RYR1: variants seen among roughly 807,000 people sequenced by gnomAD.
RYR1 encodes ryanodine receptor 1.
A neutral mutation model predicts 583.5 loss-of-function variants in RYR1; 342 were observed. The ratio of observed to expected loss-of-function variants is 0.59; its 90% confidence interval spans 0.54 to 0.64. The LOEUF is 0.64. Among genes scored for constraint, RYR1 ranks in the 30% least tolerant of loss-of-function variants. The pLI is 0.00. For synonymous variants in RYR1, 2,791 were observed against 2,822.5 expected (o/e 0.99, Z 0.35); for missense variants, 6,032 against 6,917.2 (o/e 0.87, Z 4.54).
rs772951872 is a variant in RYR1 at position 38,515,127 on chromosome 19, G to A, written c.9554+20G>A. On this transcript the variant is annotated intron_variant, in intron 64 of 105. Coordinates refer to ENST00000359596, the MANE Select transcript of RYR1 (RefSeq NM_000540.3). ...GGAAAAGTAAGGAGAGGGAGCCATC[G>A]TTTGGGGCTGGGTGGGGCTGGAGGG... The A allele has an allele frequency of 8.4e-7, 1 of 1,196,130 alleles. No individual in the cohort carries two copies. The highest frequency in any genetic ancestry group is 1.2e-6 in the Non-Finnish European group (1 of 840,510). 74.1% of individuals were successfully genotyped at this position (1,196,130 alleles called of 1,614,324 possible).
At chr19:38,574,752 G>A (rs1014004840) in intron 96 of RYR1, among the ~76,000 whole-genome samples, 3 of 152,072 alleles carry the variant, frequency 2.0e-5, no homozygotes, top group Middle Eastern at 3.4e-3. Context: ...AACAAAACTC[G>A]TGGCTGGGCA....
chr19:38,575,813 G>A lies in RYR1; in HGVS notation c.14130-106G>A, dbSNP rs1973931375. On this transcript the variant is annotated intron_variant, in intron 96 of 105. Coordinates refer to ENST00000359596, the MANE Select transcript of RYR1 (RefSeq NM_000540.3). The stretch of plus-strand genomic sequence containing the variant: ...GTGAGACTCCATCTCAAAAAAAAAG[G>A]AAAAAGAAAAACAGTGGAGTTTCAG... The A allele has an allele frequency of 9.5e-6, 12 of 1,257,186 alleles. No individual in the cohort carries two copies. In the South Asian group the frequency reaches 1.3e-4, roughly 14 times the overall value. The allele number at this position is 1,257,186 out of a possible 1,614,324, so 77.9% of individuals were successfully genotyped here.
chr19:38,518,401 T>TA (rs10714494), intron 66 of RYR1, among the ~76,000 whole-genome samples: 3,939 of 113,648 alleles, frequency 0.035, 71 homozygotes, highest in Middle Eastern at 0.11. Context: ...CTCTATTATT[T>TA]AAAAAAAAAA....
At chr19:38,493,589 G>C (rs1969659743) in intron 38 of RYR1, among the ~76,000 whole-genome samples, 1 of 147,382 alleles carries the variant, frequency 6.8e-6, no homozygotes, top group African/African-American at 2.5e-5. Context: ...GCGCGATCTT[G>C]GCTCACTGCA....
chr19:38,464,781 T>C (rs1428887447), intron 23 of RYR1, 59 bp downstream of exon 23: 1 of 1,488,664 alleles, frequency 6.7e-7, no homozygotes, highest in Non-Finnish European at 9.2e-7. Flanking sequence ...GATGCTGTGC[T>C]AAGGGCTGGG....
rs545315268 is a variant in RYR1, at chr19:38,481,382, C to T, written c.4621-1645C>T. Among the ~76,000 whole-genome samples, 4 of 152,262 alleles carry T rather than the reference C, an allele frequency of 2.6e-5. No individual in the cohort carries two copies. The East Asian group carries it at 7.7e-4, about 29-fold the overall frequency. Reference sequence around the variant, plus strand: ...CCTCAAACTATTCGCCCACCTCCACCTCCCATGTAATCCCAGAATATAAAA... The same window carrying T: ...CCTCAAACTATTCGCCCACCTCCACTTCCCATGTAATCCCAGAATATAAAA... On this transcript the variant is annotated intron_variant, in intron 31 of 105. Coordinates refer to ENST00000359596, the MANE Select transcript of RYR1 (RefSeq NM_000540.3).
At position 38,512,581 on chromosome 19, in the gene RYR1, G is replaced by C; in HGVS notation, c.9472+98G>C. 8.5e-7 allele frequency: 1 copy of C among 1,181,138 alleles called. No individual in the cohort carries two copies. The highest frequency in any genetic ancestry group is 1.2e-6 in the Non-Finnish European group (1 of 802,262). 73.2% of individuals were successfully genotyped at this position (1,181,138 alleles called of 1,614,324 possible). ...AGAGTCCCTGGGTGTTTGAATGTGT[G>C]GATTTCTTGCTGTAAGCAAAGCATG... On this transcript the variant is annotated intron_variant, in intron 63 of 105. Transcript: ENST00000359596. This position sits in a 1 kb window ranked among gnomAD's most constrained non-coding sequence, Gnocchi z 5.1.
At chr19:38,553,593 G>A (rs1972758529) in intron 89 of RYR1, among the ~76,000 whole-genome samples, 1 of 152,066 alleles carries the variant, frequency 6.6e-6, no homozygotes, top group Non-Finnish European at 1.5e-5. Context: ...GGTCAAGGCT[G>A]CAGTGAACCA....
intron 11 of RYR1, among the ~76,000 whole-genome samples, chr19:38,450,806 A>G (rs949897250): frequency 6.6e-6 from 1 of 152,144 alleles, no homozygotes. Flanking sequence ...TAAAGGGAAG[A>G]TGGAGCCTCC....
intron 29 of RYR1, 76 bp from the exon 30 acceptor site, chr19:38,477,634 A>T: frequency 6.2e-7 from 1 of 1,601,804 alleles, no homozygotes; most frequent in African/African-American, 1.3e-5. Context: ...AGTCCAGGGA[A>T]ACCAATTTCG....
chr19:38,463,287 G>A, intron 20 of RYR1, 136 bp from the exon 21 acceptor site: 1 of 719,338 alleles, frequency 1.4e-6, no homozygotes, highest in Non-Finnish European at 2.5e-6. Context: ...GAGGGATGGG[G>A]AGCAGGGCTG....
intron 70 of RYR1, among the ~76,000 whole-genome samples, chr19:38,524,191 A>G (rs535488678): frequency 6.8e-6 from 1 of 147,500 alleles, no homozygotes; most frequent in African/African-American, 2.5e-5. Context: ...GTTCCCAAAA[A>G]AAAAAAAAAA....
In RYR1 at chr19:38,549,278, G is replaced by A. The variant is rs1972560553; in HGVS notation, c.12282+858G>A. Among the ~76,000 whole-genome samples, 3 of 152,010 alleles carry A rather than the reference G, an allele frequency of 2.0e-5. No individual in the cohort carries two copies. In the South Asian group the frequency reaches 6.2e-4, roughly 32 times the overall value. On this transcript the variant is annotated intron_variant, in intron 89 of 105. Coordinates refer to ENST00000359596, the MANE Select transcript of RYR1 (RefSeq NM_000540.3). Reference sequence around the variant, plus strand: ...CTCAGTTTCCTACTCTGTAAAATGGGGATAGGATAATCACATTAACCACTA... The same window carrying A: ...CTCAGTTTCCTACTCTGTAAAATGGAGATAGGATAATCACATTAACCACTA...
At chr19:38,557,436 G>A (rs1381520684) in intron 89 of RYR1, among the ~76,000 whole-genome samples, 1 of 152,214 alleles carries the variant, frequency 6.6e-6, no homozygotes, top group Non-Finnish European at 1.5e-5. Flanking sequence ...AGTGAGCAGG[G>A]TGTGGTAAGC....
intron 27 of RYR1, among the ~76,000 whole-genome samples, chr19:38,471,389 G>A (rs906986566): frequency 3.3e-5 from 5 of 152,110 alleles, no homozygotes; most frequent in Admixed American, 3.3e-4. Flanking sequence ...AATTATCTGG[G>A]CATGGTGGTA....
intron 70 of RYR1, among the ~76,000 whole-genome samples, chr19:38,524,514 T>C (rs1971384186): frequency 6.6e-6 from 1 of 152,010 alleles, no homozygotes; most frequent in Non-Finnish European, 1.5e-5. Flanking sequence ...GGCACAGGGG[T>C]CATGCTCAAA....
chr19:38,541,449 C>T (rs1343112453), intron 84 of RYR1, among the ~76,000 whole-genome samples: 1 of 152,266 alleles, frequency 6.6e-6, no homozygotes, highest in African/African-American at 2.4e-5. Context: ...GGTGTGGTGG[C>T]TTACACCTGT....
intron 38 of RYR1, 108 bp from the exon 39 acceptor site, chr19:38,494,244 G>T: frequency 1.5e-6 from 2 of 1,352,494 alleles, no homozygotes. Context: ...GGTAGTAACT[G>T]GGAAAACTTC....
chr19:38,478,649 C>G, intron 31 of RYR1, 49 bp downstream of exon 31: 1 of 1,595,806 alleles, frequency 6.3e-7, no homozygotes, highest in Non-Finnish European at 8.5e-7. Context: ...TCCCAGCATC[C>G]CAGGACAGCT....
Sources: allele counts gnomAD v4.1 joint callset (sites outside exome capture counted in the v4.1 genomes callset), GRCh38; gene constraint gnomAD v4.1.1; non-coding constraint Gnocchi (gnomAD v3.1); transcripts MANE v1.5; gene names NCBI Gene and HGNC (gene_info 2026-07-23, HGNC 2026-07-21).